Variants in SNTG1 observed in about 807,000 individuals in gnomAD.
SNTG1 encodes the protein gamma-1-syntrophin.
A neutral mutation model predicts 74.7 loss-of-function variants in SNTG1; 39 were observed. That is an observed-to-expected ratio of 0.52 (90% CI 0.40 to 0.68). The LOEUF is 0.68. Ranked by LOEUF, SNTG1 falls within the 30% of genes least tolerant of loss-of-function variation. The pLI is 0.00. For missense variants in SNTG1, 685 were observed against 609.5 expected, an observed-to-expected ratio of 1.12 and a Z score of -1.30; for synonymous variants, 254 against 217.1, an observed-to-expected ratio of 1.17 and a Z score of -1.49.
At chr8:50,266,684 G>GTATATATA (rs1554623724) in intron 2 of SNTG1, among the ~76,000 whole-genome samples, 32 of 136,802 alleles carry the variant, frequency 2.3e-4, no homozygotes, top group African/African-American at 8.8e-4. Context: ...GTGTGTGTGT[G>GTATATATA]TATATATATA....
intron 15 of SNTG1, among the ~76,000 whole-genome samples, chr8:50,659,155 T>C (rs566828240): frequency 1.3e-5 from 2 of 152,312 alleles, no homozygotes; most frequent in African/African-American, 2.4e-5. Context: ...TTTTTGCATA[T>C]GTAAAAGAAC....
intron 4 of SNTG1, among the ~76,000 whole-genome samples, chr8:50,422,242 A>G (rs1382981480): frequency 3.1e-4 from 1 of 3,182 alleles, no homozygotes; most frequent in Non-Finnish European, 0.016. Flanking sequence ...TTCAACAGCG[A>G]TCTATCTATC....
intron 1 of SNTG1, among the ~76,000 whole-genome samples, chr8:50,110,387 G>A (rs1171062664): frequency 6.6e-6 from 1 of 152,152 alleles, no homozygotes; most frequent in Admixed American, 6.6e-5. Flanking sequence ...CACAGGTGCA[G>A]GCAGGACTCT....
intron 1 of SNTG1, among the ~76,000 whole-genome samples, chr8:50,049,625 A>G (rs1299417862): frequency 6.6e-6 from 1 of 152,222 alleles, no homozygotes; most frequent in East Asian, 1.9e-4. Flanking sequence ...ACTAAGCAGC[A>G]CCTCAATCAA....
At chr8:49,981,459 T>A (rs545202241) in intron 1 of SNTG1, among the ~76,000 whole-genome samples, 2 of 152,100 alleles carry the variant, frequency 1.3e-5, no homozygotes, top group East Asian at 3.9e-4. Context: ...GAATCTGGAC[T>A]CTGACATTTA....
At chr8:50,010,305 G>T (rs1317589534) in intron 1 of SNTG1, among the ~76,000 whole-genome samples, 1 of 152,004 alleles carries the variant, frequency 6.6e-6, no homozygotes, top group African/African-American at 2.4e-5. Context: ...ACCTTTCCTT[G>T]TCTCATTTTA....
chr8:50,039,506 GTCTT>G (rs1264424972), intron 1 of SNTG1, among the ~76,000 whole-genome samples: 1 of 146,492 alleles, frequency 6.8e-6, no homozygotes, highest in African/African-American at 2.5e-5. Flanking sequence ...CCTAGGCCAT[GTCTT>G]TATCTAAAAT....
At position 50,271,368 on chromosome 8, in the gene SNTG1, G is replaced by T. The variant is rs185068765; in HGVS notation, c.-28+98733G>T. 2.0e-4 allele frequency among the ~76,000 whole-genome samples: 31 copies of T among 152,188 alleles called. No individual in the cohort carries two copies. The East Asian group carries it at 5.0e-3, about 25-fold the overall frequency. On this transcript the variant is annotated intron_variant, in intron 2 of 18. Coordinates refer to ENST00000642720, the MANE Select transcript of SNTG1 (RefSeq NM_018967.5). Reference sequence around the variant, plus strand: ...TAAGACTCAGAAAGGTTTTAGGTTTGTATTCAAATTCAAGGTGTTTTTATT... The same window carrying T: ...TAAGACTCAGAAAGGTTTTAGGTTTTTATTCAAATTCAAGGTGTTTTTATT...
intron 12 of SNTG1, 116 bp from the exon 13 acceptor site, chr8:50,590,763 T>A: frequency 1.7e-6 from 1 of 574,432 alleles, no homozygotes; most frequent in East Asian, 3.5e-5. Context: ...TTTCAGCATA[T>A]CAAAATAGGA....
At chr8:50,450,261 T>A (rs2093443634) in intron 6 of SNTG1, among the ~76,000 whole-genome samples, 1 of 152,244 alleles carries the variant, frequency 6.6e-6, no homozygotes, top group Admixed American at 6.5e-5. Context: ...AGAGACCTAA[T>A]AATCTTAAGT....
chr8:50,411,650 T>A (rs1286161969), intron 4 of SNTG1, among the ~76,000 whole-genome samples: 2 of 152,102 alleles, frequency 1.3e-5, no homozygotes, highest in Admixed American at 6.6e-5. Context: ...TTAGAGATTG[T>A]TAAATTGAAA....
At chr8:50,384,069 T>C (rs905680395) in intron 2 of SNTG1, among the ~76,000 whole-genome samples, 2 of 152,236 alleles carry the variant, frequency 1.3e-5, no homozygotes, top group African/African-American at 4.8e-5. Flanking sequence ...TGAGAGGCAC[T>C]ACCCTCATTT....
chr8:50,055,757 C>T (rs1412477241), intron 1 of SNTG1, among the ~76,000 whole-genome samples: 3 of 152,132 alleles, frequency 2.0e-5, no homozygotes, highest in Non-Finnish European at 4.4e-5. Context: ...GGTCCTAACT[C>T]ATAACCCATT....
intron 6 of SNTG1, among the ~76,000 whole-genome samples, 164 bp from the exon 7 acceptor site, chr8:50,450,392 C>A (rs2093444896): frequency 6.6e-6 from 1 of 152,144 alleles, no homozygotes; most frequent in African/African-American, 2.4e-5. Context: ...TAGACTGAGT[C>A]ATATTGTTTC....
chr8:49,984,715 T>C lies in SNTG1; in HGVS notation c.-103+72484T>C, dbSNP rs192902511. Among the ~76,000 whole-genome samples the C allele has an allele frequency of 1.2e-4, 18 of 152,318 alleles. No homozygotes were observed. In the East Asian group the frequency reaches 3.3e-3, roughly 28 times the overall value. The stretch of plus-strand genomic sequence containing the variant: ...ATTTCATGCAAAGTAAGTTGAAGAA[T>C]CGATACTTTATAGTAGGAAGAGAAT... On this transcript the variant is annotated intron_variant, in intron 1 of 18. Transcript: ENST00000642720.
chr8:50,440,151 A>T (rs2093345166), intron 5 of SNTG1, among the ~76,000 whole-genome samples: 1 of 151,774 alleles, frequency 6.6e-6, no homozygotes, highest in Non-Finnish European at 1.5e-5. Context: ...CCATTCAATT[A>T]TTGACCAAAA....
chr8:50,367,401 G>A (rs2092144433), intron 2 of SNTG1, among the ~76,000 whole-genome samples: 1 of 151,978 alleles, frequency 6.6e-6, no homozygotes, highest in Non-Finnish European at 1.5e-5. Context: ...TTAATTCTAT[G>A]TTAGAATGCT....
intron 1 of SNTG1, among the ~76,000 whole-genome samples, chr8:50,064,964 G>A (rs1820783167): frequency 6.6e-6 from 1 of 152,216 alleles, no homozygotes; most frequent in South Asian, 2.1e-4. Context: ...GTTAAAATAT[G>A]GATTCCCTTG....
chr8:50,375,004 C>T (rs1294817082), intron 2 of SNTG1, among the ~76,000 whole-genome samples: 4 of 152,140 alleles, frequency 2.6e-5, no homozygotes, highest in Non-Finnish European at 5.9e-5. Context: ...GAAGAACTTG[C>T]TATCCATTAA....
Sources: allele counts gnomAD v4.1 joint callset (sites outside exome capture counted in the v4.1 genomes callset), GRCh38; gene constraint gnomAD v4.1.1; transcripts MANE v1.5; gene names NCBI Gene and HGNC (gene_info 2026-07-23, HGNC 2026-07-21).